Variants in IPP observed in about 807,000 individuals in gnomAD.
IPP encodes the protein actin-binding protein IPP.
In IPP, 41 loss-of-function variants were observed where a neutral mutation model predicts 64.1. That is an observed-to-expected ratio of 0.64 (90% CI 0.50 to 0.83). The LOEUF is 0.83. Among genes scored for constraint, IPP ranks in the 40% least tolerant of loss-of-function variants. The probability of loss-of-function intolerance (pLI) is 0.00; values close to 1 mark genes in which losing one functional copy is unlikely to be tolerated. For missense variants in IPP, 649 were observed against 703.0 expected (o/e 0.92, Z 0.87); for synonymous variants, 214 against 235.2 (o/e 0.91, Z 0.83).
intron 4 of IPP, 139 bp from the exon 5 acceptor site, chr1:45,727,937 G>T (rs897194050): frequency 7.1e-6 from 4 of 560,156 alleles, no homozygotes; most frequent in Non-Finnish European, 1.1e-5. Context: ...TCTTAAATTT[G>T]CCAATTCCTG....
intron 5 of IPP, among the ~76,000 whole-genome samples, chr1:45,726,867 G>T (rs1645835415): frequency 1.3e-5 from 2 of 151,646 alleles, no homozygotes; most frequent in South Asian, 4.2e-4. Context: ...GGGATTACCA[G>T]CACCCGCCAC....
intron 3 of IPP, among the ~76,000 whole-genome samples, chr1:45,730,732 T>C (rs1427083261): frequency 2.0e-5 from 3 of 152,192 alleles, no homozygotes; most frequent in African/African-American, 4.8e-5. Context: ...TAGCAAGAGA[T>C]TGTCTCCTAT....
chr1:45,739,921 TAAAC>T (rs958229972), intron 3 of IPP, among the ~76,000 whole-genome samples: 4 of 151,926 alleles, frequency 2.6e-5, no homozygotes, highest in Admixed American at 1.3e-4. Context: ...GGTCAGCAGA[TAAAC>T]AAGTGAACAA....
chr1:45,715,222 C>T lies in IPP; in HGVS notation c.1310-756G>A, dbSNP rs186859270. On this transcript the variant is annotated intron_variant, in intron 7 of 8. Coordinates refer to ENST00000396478, the MANE Select transcript of IPP (RefSeq NM_005897.3). Reference sequence around the variant, plus strand: ...AAAAAAAAAAAAAAAAAAATTACTACGGTAAAATATAATGTAATTTACATA... The same window carrying T: ...AAAAAAAAAAAAAAAAAAATTACTATGGTAAAATATAATGTAATTTACATA... Among the ~76,000 whole-genome samples, 507 of 149,030 alleles carry T rather than the reference C, an allele frequency of 3.4e-3. 3 individuals are homozygous for T. Among genetic ancestry groups the T allele is most frequent in the Non-Finnish European group, 4.8e-3 (321 of 67,286 alleles).
At chr1:45,726,775 G>A (rs1302036976) in intron 5 of IPP, among the ~76,000 whole-genome samples, 1 of 149,276 alleles carries the variant, frequency 6.7e-6, no homozygotes, top group Non-Finnish European at 1.5e-5. Context: ...CCAGGCTGGA[G>A]TGCAATGGCG....
At chr1:45,750,438 G>A (rs1220066962) in intron 1 of IPP, among the ~76,000 whole-genome samples, 159 bp downstream of exon 1, 3 of 152,242 alleles carry the variant, frequency 2.0e-5, no homozygotes, top group African/African-American at 7.2e-5. Flanking sequence ...CACTTAGACT[G>A]TCGGAGGAAG....
intron 3 of IPP, among the ~76,000 whole-genome samples, chr1:45,730,283 C>T (rs1292299700): frequency 1.3e-5 from 2 of 151,622 alleles, no homozygotes; most frequent in African/African-American, 4.8e-5. Flanking sequence ...GCTCAGGAAG[C>T]AGAGTTTGCA....
At position 45,703,625 on chromosome 1, in the gene IPP, C is replaced by T. The variant is rs150797359; in HGVS notation, c.1531-3435G>A. Among the ~76,000 whole-genome samples the T allele has an allele frequency of 7.2e-4, 110 of 152,078 alleles. 1 individual carries two copies. In the East Asian group the frequency reaches 0.011, roughly 15 times the overall value. On this transcript the variant is annotated intron_variant, in intron 8 of 8. Coordinates refer to ENST00000396478, the MANE Select transcript of IPP (RefSeq NM_005897.3). ...GTAAAGAAGTCCTGTGGTAAAGAAA[C>T]TAATTTAACCTGGTTTAACCCAGAT...
At chr1:45,695,989 T>C (rs1028587694), downstream of IPP, among the ~76,000 whole-genome samples, 1 of 152,162 alleles carries the variant, frequency 6.6e-6, no homozygotes, top group Non-Finnish European at 1.5e-5. Flanking sequence ...TTAGAGATGA[T>C]GTTTCCACTC....
At chr1:45,704,266 C>T (rs1186910761) in intron 8 of IPP, among the ~76,000 whole-genome samples, 1 of 151,414 alleles carries the variant, frequency 6.6e-6, no homozygotes, top group Admixed American at 6.6e-5. Flanking sequence ...GAGACAGAGC[C>T]TCGCTCTGTC....
intron 8 of IPP, among the ~76,000 whole-genome samples, chr1:45,708,278 A>C: frequency 6.6e-6 from 1 of 151,544 alleles, no homozygotes; most frequent in East Asian, 2.0e-4. Flanking sequence ...GTTAGCCAGG[A>C]TGCTCTCAAT....
chr1:45,750,633 C>T lies in IPP; in HGVS notation c.-87G>A, dbSNP rs1379176394. The T allele has an allele frequency of 2.6e-5, 4 of 152,486 alleles. No homozygotes were observed. The highest frequency in any genetic ancestry group is 2.0e-4 in the Admixed American group (3 of 15,286). 9.4% of individuals were successfully genotyped at this position (152,486 alleles called of 1,614,324 possible). The stretch of plus-strand genomic sequence containing the variant: ...CCTTCCCTCCGGCGCCCGCTCAGGC[C>T]CTGCGCGCGCAGTCGCGACCAGCCC... On this transcript the variant is annotated 5_prime_UTR_variant, in exon 1 of 9. Transcript: ENST00000396478.
chr1:45,747,420 A>C lies in IPP; in HGVS notation c.-50-959T>G, dbSNP rs182593850. On this transcript the variant is annotated intron_variant, in intron 1 of 8. Transcript: ENST00000396478. ...GTTTCCCCAAGGATACAATGTTAGT[A>C]TGACAGTCTCAGTATCTGAATCCAG... Among the ~76,000 whole-genome samples, 6 of 152,336 alleles carry C rather than the reference A, an allele frequency of 3.9e-5. No individual in the cohort carries two copies. The East Asian group carries it at 1.2e-3, about 29-fold the overall frequency.
At chr1:45,740,488 GCCGGGCGGGGGGCTGA>G (rs1646046986) in intron 3 of IPP, among the ~76,000 whole-genome samples, 1 of 152,084 alleles carries the variant, frequency 6.6e-6, no homozygotes, top group Non-Finnish European at 1.5e-5. Flanking sequence ...GGGGCGGCTG[GCCGGGCGGGGGGCTGA>G]CCCCCCCACC....
intron 8 of IPP, among the ~76,000 whole-genome samples, chr1:45,712,223 C>T (rs374524221): frequency 2.8e-3 from 425 of 149,996 alleles, no homozygotes; most frequent in African/African-American, 9.5e-3. Context: ...GAGGCTGAGG[C>T]AGGAGAATCA....
At chr1:45,742,435 A>C (rs1020779665) in intron 2 of IPP, among the ~76,000 whole-genome samples, 2 of 152,232 alleles carry the variant, frequency 1.3e-5, no homozygotes, top group Non-Finnish European at 2.9e-5. Context: ...CTTTTAACAT[A>C]AGGTTATATG....
At chr1:45,696,046 T>C (rs367656311), downstream of IPP, among the ~76,000 whole-genome samples, 1 of 152,246 alleles carries the variant, frequency 6.6e-6, no homozygotes. Context: ...GGAAACTCAC[T>C]TCTTTGTTAT....
At chr1:45,740,420 C>CT (rs1428681487) in intron 3 of IPP, among the ~76,000 whole-genome samples, 1 of 152,118 alleles carries the variant, frequency 6.6e-6, no homozygotes, top group African/African-American at 2.4e-5. Context: ...CGCCCCTCAC[C>CT]TCCCGGACGG....
chr1:45,694,716 T>C (rs1042742742), downstream of IPP: 3 of 506,468 alleles, frequency 5.9e-6, no homozygotes, highest in African/African-American at 5.8e-5. Flanking sequence ...ATTAGGATAT[T>C]TGGCATGGTA....
Sources: allele counts gnomAD v4.1 joint callset (sites outside exome capture counted in the v4.1 genomes callset), GRCh38; gene constraint gnomAD v4.1.1; transcripts MANE v1.5; gene names NCBI Gene and HGNC (gene_info 2026-07-23, HGNC 2026-07-21).